Variants in DKK3 observed in about 807,000 individuals in gnomAD.
The protein encoded by DKK3 is dickkopf-related protein 3.
Under a neutral mutation model 33.2 loss-of-function variants are expected in DKK3, and 22 were observed. The observed-to-expected ratio is 0.66, with a 90% confidence interval of 0.47 to 0.95. The LOEUF (loss-of-function observed/expected upper bound fraction) is 0.95. Among genes scored for constraint, DKK3 ranks in the 40% least tolerant of loss-of-function variants. The pLI is 0.00. For synonymous variants in DKK3, 194 were observed against 188.8 expected (o/e 1.03, Z -0.23); for missense variants, 398 against 458.4 (o/e 0.87, Z 1.20).
At chr11:11,982,225 C>G (rs1460513076) in intron 3 of DKK3, among the ~76,000 whole-genome samples, 1 of 152,132 alleles carries the variant, frequency 6.6e-6, no homozygotes, top group African/African-American at 2.4e-5. Flanking sequence ...GGGGACAGTC[C>G]TCCTGAAAGA....
In DKK3 at chr11:11,963,170, C is replaced by A. The variant is rs1847496453; in HGVS notation, c.*1294G>T. ...TTATGTTTATACATAATTTAAAACTCAAAGAAAGCATGCTTATACAATCAT... is the reference window on the plus strand; with the variant it reads ...TTATGTTTATACATAATTTAAAACTAAAAGAAAGCATGCTTATACAATCAT... On this transcript the variant is annotated 3_prime_UTR_variant, in exon 7 of 7. Coordinates refer to ENST00000683431, the MANE Select transcript of DKK3 (RefSeq NM_001018057.2). 1 of 152,644 alleles carries A rather than the reference C, an allele frequency of 6.6e-6. No individual in the cohort carries two copies. Among genetic ancestry groups the A allele is most frequent in the Non-Finnish European group, 1.5e-5 (1 of 68,044 alleles). 9.5% of individuals were successfully genotyped at this position (152,644 alleles called of 1,614,324 possible).
At chr11:12,009,407 C>G (rs931442423), upstream of DKK3, 176 of 971,020 alleles carry the variant, frequency 1.8e-4, no homozygotes, top group Non-Finnish European at 2.0e-4. Context: ...AGGCCCACCC[C>G]GCCCCGCGGA....
At chr11:12,000,308 T>A (rs568334980) in intron 2 of DKK3, among the ~76,000 whole-genome samples, 2 of 152,056 alleles carry the variant, frequency 1.3e-5, no homozygotes, top group East Asian at 3.9e-4. Context: ...CAGGTTCAAG[T>A]GATTCTCCTG....
chr11:11,980,189 G>A (rs1250847716), intron 3 of DKK3, among the ~76,000 whole-genome samples: 14 of 152,248 alleles, frequency 9.2e-5, no homozygotes. Context: ...ACCACATAGG[G>A]AGCATCCCGG....
At chr11:12,002,792 G>T (rs1325371927) in intron 1 of DKK3, among the ~76,000 whole-genome samples, 1 of 152,160 alleles carries the variant, frequency 6.6e-6, no homozygotes, top group Non-Finnish European at 1.5e-5. Context: ...AAACGCTGTT[G>T]ATGCCCTGCC....
Position 11,996,998 on chromosome 11 carries a change from T to A in DKK3, c.435+1698A>T, listed in dbSNP as rs76856068. ...TTTCTGCCCAAGCATGCCGTTGGCA[T>A]GTTCAAGATCTTGTCTCTTCCCCAT... is the stretch of plus-strand genomic sequence containing the variant. On this transcript the variant is annotated intron_variant, in intron 3 of 6. Coordinates refer to ENST00000683431, the MANE Select transcript of DKK3 (RefSeq NM_001018057.2). Among the ~76,000 whole-genome samples the A allele has an allele frequency of 2.1e-3, 323 of 152,358 alleles. 1 individual carries two copies. The highest frequency in any genetic ancestry group is 7.5e-3 in the African/African-American group (313 of 41,592).
intron 5 of DKK3, 89 bp from the exon 6 acceptor site, chr11:11,966,054 C>T (rs529443359): frequency 2.4e-5 from 34 of 1,433,384 alleles, no homozygotes; most frequent in South Asian, 2.1e-4. Context: ...CATAACCTCC[C>T]ACCTCCCACC....
chr11:11,984,866 C>A (rs960874237), intron 3 of DKK3, among the ~76,000 whole-genome samples: 3 of 152,148 alleles, frequency 2.0e-5, no homozygotes, highest in African/African-American at 7.2e-5. Context: ...AGGAATTATT[C>A]TTTCTTTTGC....
At chr11:12,001,327 TG>T (rs1220530923) in intron 2 of DKK3, among the ~76,000 whole-genome samples, 1 of 152,190 alleles carries the variant, frequency 6.6e-6, no homozygotes, top group Non-Finnish European at 1.5e-5. Context: ...TACGATGCAG[TG>T]GGAGAAGTGC....
intron 4 of DKK3, among the ~76,000 whole-genome samples, chr11:11,968,072 T>A (rs1355405904): frequency 6.6e-6 from 1 of 152,138 alleles, no homozygotes; most frequent in Admixed American, 6.5e-5. Context: ...TGCCTTGGTC[T>A]CCCCAAAGTG....
chr11:12,009,174 C>G, upstream of DKK3: 3 of 985,448 alleles, frequency 3.0e-6, no homozygotes, highest in Non-Finnish European at 3.6e-6. Flanking sequence ...TCACCCACCC[C>G]GACTGGACCG....
chr11:12,008,369 C>T lies in DKK3; in HGVS notation c.213+1G>A. ...GCCCCGCGCCGCCAGGGCGCACCCA[C>T]CTCTTCCACCGCGCTGCGCAATTTG... On this transcript the variant is annotated splice_donor_variant, in intron 1 of 6. Coordinates refer to ENST00000683431, the MANE Select transcript of DKK3 (RefSeq NM_001018057.2). LOFTEE classifies it high-confidence loss of function. The surrounding 1 kb of genome is among the most constrained non-coding windows in gnomAD (Gnocchi z 4.6). 2 of 1,603,690 alleles carry T rather than the reference C, an allele frequency of 1.2e-6. No individual in the cohort carries two copies. Among genetic ancestry groups the T allele is most frequent in the Non-Finnish European group, 1.7e-6 (2 of 1,177,774 alleles).
intron 3 of DKK3, among the ~76,000 whole-genome samples, chr11:11,969,928 C>T (rs16910268): frequency 0.031 from 4,766 of 152,282 alleles, 93 homozygotes; most frequent in African/African-American, 0.057. Flanking sequence ...ACCGAGGCTC[C>T]GAGTAGGGTG....
At chr11:11,990,055 GT>G (rs1848156425) in intron 3 of DKK3, among the ~76,000 whole-genome samples, 1 of 152,186 alleles carries the variant, frequency 6.6e-6, no homozygotes, top group East Asian at 1.9e-4. Context: ...GACTCAATGA[GT>G]TTTTTGGAAT....
rs1451037319 is a variant in DKK3 at position 11,964,598 on chromosome 11, C to T, written c.919G>A (p.Glu307Lys). The T allele has an allele frequency of 6.2e-7, 1 of 1,614,222 alleles. No homozygotes were observed. Among genetic ancestry groups the T allele is most frequent in the East Asian group, 2.2e-5 (1 of 44,878 alleles). Reference sequence around the variant, plus strand: ...TCCATGAAGCTGCCAACTTCATACTCATCGGGGACCTCTCTGGGCAGCAGG... The same window carrying T: ...TCCATGAAGCTGCCAACTTCATACTTATCGGGGACCTCTCTGGGCAGCAGG... The part of the protein sequence containing the change: ...EILLPREVPD[E>K]YEVGSFMEEV... The change falls in exon 7 of 7, where the codon GAG (glutamate) becomes AAG (lysine). Residue 307 changes from glutamate (E) to lysine (K), a missense_variant. Coordinates refer to ENST00000683431, the MANE Select transcript of DKK3 (RefSeq NM_001018057.2).
intron 3 of DKK3, among the ~76,000 whole-genome samples, chr11:11,981,614 G>A (rs1286867660): frequency 6.6e-6 from 1 of 152,168 alleles, no homozygotes; most frequent in Non-Finnish European, 1.5e-5. Context: ...TTACGGGGCT[G>A]GGGGTGGGGC....
intron 3 of DKK3, among the ~76,000 whole-genome samples, chr11:11,974,474 T>A (rs1446537806): frequency 1.3e-5 from 2 of 152,152 alleles, no homozygotes; most frequent in Non-Finnish European, 2.9e-5. Flanking sequence ...GCCTTCTTGC[T>A]ACATCATCCC....
rs1221936563 is a variant in DKK3, at chr11:11,965,790, G to A, written c.830+19C>T. ...CCTCAGCCCTTGGCTCCCTGAGAGT[G>A]AGGGTTAGGGGGCCTCACCTGTGGG... On this transcript the variant is annotated intron_variant, in intron 6 of 6. Transcript: ENST00000683431. 1.9e-6 allele frequency: 3 copies of A among 1,611,716 alleles called. No individual in the cohort carries two copies. Among genetic ancestry groups the A allele is most frequent in the African/African-American group, 1.3e-5 (1 of 75,024 alleles).
chr11:12,002,270 A>T, intron 2 of DKK3, 30 bp downstream of exon 2: 2 of 1,607,062 alleles, frequency 1.2e-6, no homozygotes, highest in Non-Finnish European at 1.7e-6. Flanking sequence ...TGGACGCTAT[A>T]GAAAGGAGGA....
Sources: allele counts gnomAD v4.1 joint callset (sites outside exome capture counted in the v4.1 genomes callset), GRCh38; gene constraint gnomAD v4.1.1; non-coding constraint Gnocchi (gnomAD v3.1); transcripts MANE v1.5; gene names NCBI Gene and HGNC (gene_info 2026-07-23, HGNC 2026-07-21).